SEMA5A: variants seen among roughly 807,000 people sequenced by gnomAD.
The protein encoded by SEMA5A is semaphorin-5A.
Under a neutral mutation model 135.5 loss-of-function variants are expected in SEMA5A, and 55 were observed. That is an observed-to-expected ratio of 0.41 (90% confidence interval 0.33 to 0.51). The LOEUF is 0.51. Among genes scored for constraint, SEMA5A ranks in the 20% least tolerant of loss-of-function variants. The probability of loss-of-function intolerance (pLI) is 0.37; values close to 1 mark genes in which losing one functional copy is unlikely to be tolerated. For synonymous variants in SEMA5A, 580 were observed against 546.5 expected (o/e 1.06, Z -0.85); for missense variants, 1,290 against 1,419.9 (o/e 0.91, Z 1.47).
intron 16 of SEMA5A, among the ~76,000 whole-genome samples, chr5:9,073,731 A>C (rs1381355617): frequency 6.6e-6 from 1 of 152,182 alleles, no homozygotes; most frequent in Non-Finnish European, 1.5e-5. Flanking sequence ...AAAAAAAGCT[A>C]CTAGAAGTAA....
chr5:9,369,446 T>C (rs1353368339), intron 3 of SEMA5A, among the ~76,000 whole-genome samples: 2 of 152,254 alleles, frequency 1.3e-5, no homozygotes, highest in Non-Finnish European at 2.9e-5. Context: ...ATTTCTTATA[T>C]GTTTTCTTCC....
intron 13 of SEMA5A, among the ~76,000 whole-genome samples, chr5:9,135,770 A>G (rs1741704607): frequency 6.6e-6 from 1 of 152,340 alleles, no homozygotes; most frequent in African/African-American, 2.4e-5. Context: ...ATGAGAACAC[A>G]TAAGAGAATT....
chr5:9,207,960 A>G, intron 8 of SEMA5A, among the ~76,000 whole-genome samples: 1 of 152,156 alleles, frequency 6.6e-6, no homozygotes, highest in African/African-American at 2.4e-5. Context: ...GTGTCTGTGT[A>G]TATGTGTGTA....
intron 5 of SEMA5A, among the ~76,000 whole-genome samples, chr5:9,244,089 ACTCTAAAG>A (rs1273458029): frequency 6.6e-6 from 1 of 152,150 alleles, no homozygotes; most frequent in Non-Finnish European, 1.5e-5. Context: ...GCCTAATGAA[ACTCTAAAG>A]TCAAGAAAGG....
intron 20 of SEMA5A, among the ~76,000 whole-genome samples, chr5:9,050,670 T>G (rs1390480665): frequency 2.0e-5 from 3 of 152,202 alleles, no homozygotes; most frequent in African/African-American, 7.2e-5. Context: ...TGGGGAGAGA[T>G]AAGATTCATT....
At chr5:9,241,584 GA>G (rs1748200258) in intron 5 of SEMA5A, among the ~76,000 whole-genome samples, 1 of 126,240 alleles carries the variant, frequency 7.9e-6, no homozygotes. Context: ...AAAAAAAAAA[GA>G]AGAGGCTTAT....
rs144843145 is a variant in SEMA5A at position 9,119,818 on chromosome 5, C to T, written c.1782-677G>A. On this transcript the variant is annotated intron_variant, in intron 14 of 22. Transcript: ENST00000382496. The stretch of plus-strand genomic sequence containing the variant: ...CTATCTTTTCACAGATTGACAGAGA[C>T]ATAAAGAGTGCAAATAAGAAGTGCA... 5.1e-3 allele frequency among the ~76,000 whole-genome samples: 777 copies of T among 152,144 alleles called. 7 individuals are homozygous for T. The highest frequency in any genetic ancestry group is 0.017 in the African/African-American group (715 of 41,514).
Position 9,142,224 on chromosome 5 carries a change from G to A in SEMA5A, c.1482-5603C>T, listed in dbSNP as rs547116275. 2.6e-5 allele frequency among the ~76,000 whole-genome samples: 4 copies of A among 152,342 alleles called. No homozygotes were observed. The South Asian group carries it at 6.2e-4, about 24-fold the overall frequency. ...TTCGATGGGTGGGTGAGCCTTGGAT[G>A]AGAGGATATGTAGGGACTGGAACAA... On this transcript the variant is annotated intron_variant, in intron 12 of 22. Transcript: ENST00000382496.
chr5:9,232,177 C>A (rs989985610), intron 6 of SEMA5A, among the ~76,000 whole-genome samples: 2 of 152,142 alleles, frequency 1.3e-5, no homozygotes, highest in Non-Finnish European at 2.9e-5. Flanking sequence ...TGTCATATAG[C>A]ATTTCATGAT....
chr5:9,332,047 G>T (rs1009361068), intron 4 of SEMA5A, among the ~76,000 whole-genome samples: 2 of 152,214 alleles, frequency 1.3e-5, no homozygotes, highest in Admixed American at 6.5e-5. Flanking sequence ...CTCACATTGG[G>T]TCAGGTGTGC....
At chr5:9,296,261 C>T (rs924873266) in intron 5 of SEMA5A, among the ~76,000 whole-genome samples, 9 of 152,004 alleles carry the variant, frequency 5.9e-5, no homozygotes, top group African/African-American at 1.4e-4. Flanking sequence ...TCTGTATATC[C>T]GTTTACAGGC....
rs906778290 is a variant in SEMA5A, at chr5:9,251,796, A to G, written c.271-13906T>C. Among the ~76,000 whole-genome samples, 3 of 152,336 alleles carry G rather than the reference A, an allele frequency of 2.0e-5. No individual in the cohort carries two copies. In the East Asian group the frequency reaches 5.8e-4, roughly 29 times the overall value. ...CCAAAGGAGCACATCCATGCTCAAG[A>G]GATAAGAATGAATCAACTCCTGATG... On this transcript the variant is annotated intron_variant, in intron 5 of 22. Transcript: ENST00000382496.
At chr5:9,107,991 G>A in intron 16 of SEMA5A, 149 bp downstream of exon 16, 2 of 944,040 alleles carry the variant, frequency 2.1e-6, no homozygotes, top group East Asian at 2.7e-5. Flanking sequence ...TTTAGTGTTT[G>A]CAGTGTACCA....
chr5:9,131,913 T>C (rs762368267), intron 13 of SEMA5A, among the ~76,000 whole-genome samples: 1 of 152,140 alleles, frequency 6.6e-6, no homozygotes, highest in Non-Finnish European at 1.5e-5. Flanking sequence ...GTGGATGGTA[T>C]TCATGCATAA....
intron 16 of SEMA5A, among the ~76,000 whole-genome samples, chr5:9,102,950 C>A (rs1210372281): frequency 6.6e-6 from 1 of 152,204 alleles, no homozygotes; most frequent in African/African-American, 2.4e-5. Flanking sequence ...GCAAACACAG[C>A]TGAGACTGTT....
At chr5:9,257,586 C>T (rs1383031675) in intron 5 of SEMA5A, among the ~76,000 whole-genome samples, 1 of 141,466 alleles carries the variant, frequency 7.1e-6, no homozygotes, top group Non-Finnish European at 1.6e-5. Flanking sequence ...GACTGAGATT[C>T]TATTTTGCTC....
Position 9,045,123 on chromosome 5 carries a change from T to C in SEMA5A, c.2894-539A>G, listed in dbSNP as rs567939185. On this transcript the variant is annotated intron_variant, in intron 21 of 22. Transcript: ENST00000382496. ...TTTAAGTTCATTCTCTTATGAATGATAGTCTTTTGGAGTGACCTTAAACTT... is the reference window on the plus strand; with the variant it reads ...TTTAAGTTCATTCTCTTATGAATGACAGTCTTTTGGAGTGACCTTAAACTT... 2.0e-5 allele frequency among the ~76,000 whole-genome samples: 3 copies of C among 152,306 alleles called. No individual in the cohort carries two copies. The South Asian group carries it at 6.2e-4, about 32-fold the overall frequency.
intron 2 of SEMA5A, among the ~76,000 whole-genome samples, chr5:9,413,852 A>T (rs1307465945): frequency 6.6e-6 from 1 of 152,198 alleles, no homozygotes; most frequent in East Asian, 1.9e-4. Flanking sequence ...CTGTATTTTG[A>T]GTTTCCCTCA....
chr5:9,197,996 T>C (rs939058829), intron 9 of SEMA5A, among the ~76,000 whole-genome samples: 8 of 152,124 alleles, frequency 5.3e-5, no homozygotes, highest in Admixed American at 4.6e-4. Context: ...AAGTCATAAA[T>C]GGGAGCCCTC....
Sources: gnomAD v4.1 joint callset for allele counts (sites outside exome capture counted in the v4.1 genomes callset) on GRCh38, gnomAD v4.1.1 for gene constraint, MANE v1.5 for transcripts, NCBI Gene and HGNC (gene_info 2026-07-23, HGNC 2026-07-21) for gene names.